Variants in HEPHL1 observed in about 807,000 individuals in gnomAD.
The protein encoded by HEPHL1 is ferroxidase HEPHL1.
HEPHL1 carries 123 observed loss-of-function variants against 122.0 expected under a neutral mutation model. That is an observed-to-expected ratio of 1.01 (90% CI 0.87 to 1.17). The LOEUF is 1.17. Among genes scored for constraint, HEPHL1 ranks in the 50% most tolerant of loss-of-function variants. HEPHL1 has a pLI of 0.00. For synonymous variants in HEPHL1, 527 were observed against 508.9 expected (o/e 1.04, Z -0.48); for missense variants, 1,452 against 1,430.5 (o/e 1.01, Z -0.24).
chr11:94,057,428 C>G (rs948259584), intron 2 of HEPHL1, among the ~76,000 whole-genome samples: 1 of 152,054 alleles, frequency 6.6e-6, no homozygotes, highest in Non-Finnish European at 1.5e-5. Flanking sequence ...TCCCACTGGT[C>G]TCTGAGGTTC....
intron 4 of HEPHL1, among the ~76,000 whole-genome samples, chr11:94,067,171 G>A (rs79466602): frequency 1.1e-4 from 17 of 152,142 alleles, no homozygotes; most frequent in African/African-American, 3.9e-4. Flanking sequence ...TATGACAGAA[G>A]GTGACTGAGC....
At chr11:94,048,812 T>C (rs902084247) in intron 2 of HEPHL1, among the ~76,000 whole-genome samples, 1 of 152,124 alleles carries the variant, frequency 6.6e-6, no homozygotes, top group African/African-American at 2.4e-5. Context: ...CAGAAGTGTG[T>C]TGGTTTATCT....
intron 6 of HEPHL1, among the ~76,000 whole-genome samples, chr11:94,071,141 T>C (rs1313644604): frequency 6.6e-6 from 1 of 152,156 alleles, no homozygotes; most frequent in Non-Finnish European, 1.5e-5. Flanking sequence ...ATTTAAAAAA[T>C]TAATCTAGCA....
At chr11:94,083,272 A>G (rs1178669189) in intron 10 of HEPHL1, among the ~76,000 whole-genome samples, 1 of 152,220 alleles carries the variant, frequency 6.6e-6, no homozygotes, top group East Asian at 1.9e-4. Flanking sequence ...ATTAAGTAGT[A>G]TGAGTGACTG....
At chr11:94,073,842 T>C (rs1239081352) in intron 8 of HEPHL1, among the ~76,000 whole-genome samples, 8 of 152,112 alleles carry the variant, frequency 5.3e-5, no homozygotes, top group Non-Finnish European at 1.0e-4. Context: ...TTCTAATGGT[T>C]TGTTGACATC....
At position 94,022,105 on chromosome 11, in the gene HEPHL1, T is replaced by C. The variant is rs192887913; in HGVS notation, c.170+567T>C. ...AAAGTTTATTCCAGCTCCAAGTCAT[T>C]CTTGCTGAGGGCAATATCTTATCCC... On this transcript the variant is annotated intron_variant, in intron 1 of 19. Coordinates refer to ENST00000315765, the MANE Select transcript of HEPHL1 (RefSeq NM_001098672.2). Among the ~76,000 whole-genome samples, 4 of 152,322 alleles carry C rather than the reference T, an allele frequency of 2.6e-5. No homozygotes were observed. The East Asian group carries it at 7.7e-4, about 29-fold the overall frequency.
chr11:94,047,276 G>A (rs1471067021), intron 2 of HEPHL1, among the ~76,000 whole-genome samples: 1 of 152,018 alleles, frequency 6.6e-6, no homozygotes, highest in East Asian at 1.9e-4. Context: ...TGTGTCATGG[G>A]GATTTGTTGT....
At chr11:94,101,356 G>C in intron 14 of HEPHL1, 21 bp downstream of exon 14, 1 of 1,599,926 alleles carries the variant, frequency 6.3e-7, no homozygotes, top group Non-Finnish European at 8.5e-7. Context: ...TCAGAGGTCT[G>C]CTCCATCTTG....
chr11:94,024,977 A>C (rs1009410093), intron 1 of HEPHL1, among the ~76,000 whole-genome samples: 2 of 152,170 alleles, frequency 1.3e-5, no homozygotes, highest in Non-Finnish European at 2.9e-5. Flanking sequence ...AATAAGGGGA[A>C]TGGGCAAAAA....
At chr11:94,036,693 G>A (rs575354842) in intron 1 of HEPHL1, among the ~76,000 whole-genome samples, 1 of 152,208 alleles carries the variant, frequency 6.6e-6, no homozygotes, top group Middle Eastern at 3.4e-3. Context: ...CAAAAAATTA[G>A]CCCGGCGTGG....
intron 17 of HEPHL1, 63 bp from the exon 18 acceptor site, chr11:94,110,840 T>A (rs1946442342): frequency 7.3e-7 from 1 of 1,363,276 alleles, no homozygotes; most frequent in African/African-American, 1.4e-5. Context: ...TGCTCTTCTT[T>A]CTGTTCTTGC....
chr11:94,108,095 C>T (rs1946422706), intron 17 of HEPHL1, among the ~76,000 whole-genome samples: 1 of 152,102 alleles, frequency 6.6e-6, no homozygotes, highest in South Asian at 2.1e-4. Context: ...GGCATTCCCT[C>T]CTTGGGGAGG....
chr11:94,063,814 G>C (rs1946009561), intron 3 of HEPHL1, 94 bp downstream of exon 3: 1 of 1,002,914 alleles, frequency 1.0e-6, no homozygotes, highest in Admixed American at 2.0e-5. Context: ...CACAGAATGT[G>C]CCTCTTCCAA....
chr11:94,081,747 C>T (rs1444686343), intron 9 of HEPHL1, among the ~76,000 whole-genome samples: 4 of 152,014 alleles, frequency 2.6e-5, no homozygotes, highest in Non-Finnish European at 5.9e-5. Flanking sequence ...TGTTCCTATC[C>T]TCATGAAACT....
Position 94,104,596 on chromosome 11 carries a change from A to G in HEPHL1, c.2751A>G (p.Arg917=), listed in dbSNP as rs1946393937. The part of the protein sequence containing the change: ...CRKGVLNEKG[R]RSDVDYEFAL... ...AAGGAGTCTTGAATGAAAAGGGAAGAAGAAGTGACGTTGATTATGAATTTG... is the reference window on the plus strand; with the variant it reads ...AAGGAGTCTTGAATGAAAAGGGAAGGAGAAGTGACGTTGATTATGAATTTG... The change falls in exon 16 of 20, where the codon AGA becomes AGG. Residue 917 remains arginine, a synonymous_variant. Coordinates refer to ENST00000315765, the MANE Select transcript of HEPHL1 (RefSeq NM_001098672.2). 1.9e-6 allele frequency: 3 copies of G among 1,613,826 alleles called. No individual in the cohort carries two copies. Among genetic ancestry groups the G allele is most frequent in the Non-Finnish European group, 1.7e-6 (2 of 1,179,862 alleles).
At chr11:94,087,720 C>T (rs1946229636) in intron 11 of HEPHL1, among the ~76,000 whole-genome samples, 1 of 152,136 alleles carries the variant, frequency 6.6e-6, no homozygotes, top group Non-Finnish European at 1.5e-5. Context: ...CTTTCCAAGT[C>T]TGTCTTCAAA....
Position 94,088,973 on chromosome 11 carries a change from C to T in HEPHL1, c.2294+5C>T, listed in dbSNP as rs765732631. The T allele has an allele frequency of 1.2e-6, 2 of 1,613,708 alleles. No individual in the cohort carries two copies. The highest frequency in any genetic ancestry group is 1.7e-6 in the Non-Finnish European group (2 of 1,179,648). On this transcript the variant is annotated splice_donor_5th_base_variant and intron_variant, in intron 12 of 19. Transcript: ENST00000315765. Reference sequence around the variant, plus strand: ...CGTGGACGCAAGAGGGGAAAGGTACCACAGGCGCCGCCGCTAGGGCTCCTC... The same window carrying T: ...CGTGGACGCAAGAGGGGAAAGGTACTACAGGCGCCGCCGCTAGGGCTCCTC...
At chr11:94,095,864 G>T (rs1946307299) in intron 13 of HEPHL1, among the ~76,000 whole-genome samples, 1 of 152,268 alleles carries the variant, frequency 6.6e-6, no homozygotes, top group East Asian at 1.9e-4. Context: ...TTTGCACATT[G>T]ATTTTGTATC....
intron 13 of HEPHL1, among the ~76,000 whole-genome samples, chr11:94,096,185 A>G (rs950211412): frequency 6.6e-6 from 1 of 152,162 alleles, no homozygotes; most frequent in Non-Finnish European, 1.5e-5. Flanking sequence ...TTATTTTGAG[A>G]TACATCCCAT....
Sources: gnomAD v4.1 joint callset for allele counts (sites outside exome capture counted in the v4.1 genomes callset) on GRCh38, gnomAD v4.1.1 for gene constraint, MANE v1.5 for transcripts, NCBI Gene and HGNC (gene_info 2026-07-23, HGNC 2026-07-21) for gene names.